Variants in CHD7 observed in about 807,000 individuals in gnomAD.
CHD7 encodes the protein chromodomain helicase DNA binding protein 7.
A neutral mutation model predicts 307.3 loss-of-function variants in CHD7; 24 were observed. The observed-to-expected ratio is 0.08, with a 90% CI of 0.06 to 0.11. The LOEUF is 0.11. Ranked by LOEUF, CHD7 falls within the 10% of genes least tolerant of loss-of-function variation. The probability of loss-of-function intolerance (pLI) is 1.00; values close to 1 mark genes in which losing one functional copy is unlikely to be tolerated. For synonymous variants in CHD7, 1,363 were observed against 1,349.9 expected, an observed-to-expected ratio of 1.01 and a Z score of -0.21; for missense variants, 3,106 against 3,727.1, an observed-to-expected ratio of 0.83 and a Z score of 4.34.
chr8:60,681,757 T>C (rs1805642452), intron 1 of CHD7, among the ~76,000 whole-genome samples: 1 of 152,204 alleles, frequency 6.6e-6, no homozygotes, highest in African/African-American at 2.4e-5. Context: ...ATTGGGATTG[T>C]TTTCTAGCAC....
chr8:60,830,100 G>A (rs546026343), intron 14 of CHD7, among the ~76,000 whole-genome samples: 2 of 152,260 alleles, frequency 1.3e-5, no homozygotes, highest in South Asian at 2.1e-4. Context: ...GGCTGTTCAG[G>A]GCTCCTGGAT....
intron 1 of CHD7, among the ~76,000 whole-genome samples, chr8:60,718,919 A>G (rs1586210200): frequency 6.6e-6 from 1 of 152,320 alleles, no homozygotes; most frequent in Admixed American, 6.5e-5. Flanking sequence ...ATGCTTAGAT[A>G]CCATTGTGTT....
At chr8:60,737,489 G>A (rs1808769873) in intron 1 of CHD7, among the ~76,000 whole-genome samples, 1 of 152,190 alleles carries the variant, frequency 6.6e-6, no homozygotes, top group South Asian at 2.1e-4. Context: ...ATGAGGAGGG[G>A]TTTGGATTAG....
At chr8:60,715,370 C>G (rs2150532284) in intron 1 of CHD7, among the ~76,000 whole-genome samples, 1 of 145,600 alleles carries the variant, frequency 6.9e-6, no homozygotes, top group South Asian at 2.2e-4. Flanking sequence ...GTCGCCCAGG[C>G]TGGAGTGCAG....
At position 60,747,504 on chromosome 8, in the gene CHD7, C is replaced by T. The variant is rs549995885; in HGVS notation, c.1665+4407C>T. ...TTTTAAAAAATGAAAGATAAGTTTT[C>T]GCAAGACAAAATTAGTGGCATTGTT... On this transcript the variant is annotated intron_variant, in intron 2 of 37. Coordinates refer to ENST00000423902, the MANE Select transcript of CHD7 (RefSeq NM_017780.4). 7.9e-5 allele frequency among the ~76,000 whole-genome samples: 12 copies of T among 152,204 alleles called. No homozygotes were observed. In the East Asian group the frequency reaches 1.7e-3, roughly 22 times the overall value.
chr8:60,688,732 C>T (rs1044641783), intron 1 of CHD7, among the ~76,000 whole-genome samples: 1 of 152,146 alleles, frequency 6.6e-6, no homozygotes, highest in African/African-American at 2.4e-5. Context: ...TTCTTTGTCC[C>T]AAATCTGCAA....
At chr8:60,834,326 A>G (rs1448423215) in intron 15 of CHD7, among the ~76,000 whole-genome samples, 1 of 152,220 alleles carries the variant, frequency 6.6e-6, no homozygotes, top group East Asian at 1.9e-4. Flanking sequence ...TATGGACAAA[A>G]AATAATTAAC....
chr8:60,844,756 T>C, intron 21 of CHD7, 108 bp from the exon 22 acceptor site: 1 of 848,628 alleles, frequency 1.2e-6, no homozygotes, highest in Non-Finnish European at 1.8e-6. Context: ...CCAGTGTGAA[T>C]TGTTGCTAGT....
chr8:60,714,609 C>A (rs941065529), intron 1 of CHD7, among the ~76,000 whole-genome samples: 1 of 152,210 alleles, frequency 6.6e-6, no homozygotes, highest in Non-Finnish European at 1.5e-5. Context: ...CCCCACTTCG[C>A]GGCCTGGTTC....
At chr8:60,831,246 C>T (rs1438043640) in intron 15 of CHD7, among the ~76,000 whole-genome samples, 1 of 152,064 alleles carries the variant, frequency 6.6e-6, no homozygotes, top group Non-Finnish European at 1.5e-5. Flanking sequence ...GAGCATTCGC[C>T]ACAAGCAGTC....
chr8:60,703,397 A>T (rs1170858232), intron 1 of CHD7, among the ~76,000 whole-genome samples: 3 of 152,200 alleles, frequency 2.0e-5, no homozygotes, highest in Non-Finnish European at 2.9e-5. Flanking sequence ...GGGGAAGAAC[A>T]TGTTAAAATT....
At chr8:60,732,157 A>C (rs1040010776) in intron 1 of CHD7, among the ~76,000 whole-genome samples, 7 of 152,198 alleles carry the variant, frequency 4.6e-5, no homozygotes, top group Non-Finnish European at 7.3e-5. Flanking sequence ...GACTGTTTAC[A>C]CCCTTTCTAT....
chr8:60,832,399 T>G (rs986652523), intron 15 of CHD7, among the ~76,000 whole-genome samples: 1 of 152,286 alleles, frequency 6.6e-6, no homozygotes, highest in East Asian at 1.9e-4. Flanking sequence ...TATCTGATAC[T>G]GCCAATCTGC....
At chr8:60,786,577 G>C (rs1811501840) in intron 3 of CHD7, among the ~76,000 whole-genome samples, 1 of 152,144 alleles carries the variant, frequency 6.6e-6, no homozygotes, top group Non-Finnish European at 1.5e-5. Context: ...TCAAATGGAA[G>C]TTCAGGTGTA....
chr8:60,849,182 C>T (rs1432177209), intron 25 of CHD7, 28 bp downstream of exon 25: 2 of 1,393,508 alleles, frequency 1.4e-6, no homozygotes, highest in Non-Finnish European at 1.0e-6. Context: ...TTGAATACAT[C>T]TCAACTGTAT....
rs776900495 is a variant in CHD7, at chr8:60,822,568, A to G, written c.3023A>G (p.Tyr1008Cys). The change falls in exon 12 of 38, where the codon TAT (tyrosine) becomes TGT (cysteine). Residue 1008 changes from tyrosine to cysteine, a missense_variant. By Grantham distance (194) the Tyr-to-Cys change is radical. Coordinates refer to ENST00000423902, the MANE Select transcript of CHD7 (RefSeq NM_017780.4). ...ACTATCCAGTCCATTACATTTCTCTATGAGATATATTTGAAAGGAATCCAT... is the reference window on the plus strand; with the variant it reads ...ACTATCCAGTCCATTACATTTCTCTGTGAGATATATTTGAAAGGAATCCAT... ...GKTIQSITFL[Y>C]EIYLKGIHGP... 10 of 1,613,484 alleles carry G rather than the reference A, an allele frequency of 6.2e-6. No individual in the cohort carries two copies. Among genetic ancestry groups the G allele is most frequent in the South Asian group, 3.3e-5 (3 of 91,082 alleles).
At chr8:60,837,100 A>G in intron 17 of CHD7, 88 bp downstream of exon 17, 3 of 1,031,112 alleles carry the variant, frequency 2.9e-6, no homozygotes. Flanking sequence ...CCATAAATTA[A>G]TGTTGCGTCG....
intron 1 of CHD7, among the ~76,000 whole-genome samples, chr8:60,715,381 T>C (rs554891702): frequency 1.3e-5 from 2 of 148,748 alleles, no homozygotes; most frequent in South Asian, 4.3e-4. Context: ...TGGAGTGCAG[T>C]GGCCGATCTC....
chr8:60,865,923 A>G lies in CHD7; in HGVS notation c.8984A>G (p.Asn2995Ser). The G allele has an allele frequency of 6.3e-7, 1 of 1,599,952 alleles. No individual in the cohort carries two copies. Among genetic ancestry groups the G allele is most frequent in the African/African-American group, 1.3e-5 (1 of 74,862 alleles). ...GGGGATGAAATAGAAAACAATGAAA[A>G]TGATGAATAACCAGTACCAGTTCCA... ...DGGDEIENNE[N>S]DE The change falls in exon 38 of 38, where the codon AAT (asparagine) becomes AGT (serine). Residue 2995 changes from asparagine to serine, a missense_variant. Coordinates refer to ENST00000423902, the MANE Select transcript of CHD7 (RefSeq NM_017780.4). This position sits in a 1 kb window ranked among gnomAD's most constrained non-coding sequence, Gnocchi z 4.3.
Sources: allele counts gnomAD v4.1 joint callset (sites outside exome capture counted in the v4.1 genomes callset), GRCh38; gene constraint gnomAD v4.1.1; non-coding constraint Gnocchi (gnomAD v3.1); transcripts MANE v1.5; gene names NCBI Gene and HGNC (gene_info 2026-07-23, HGNC 2026-07-21).